LMO7: variants seen among roughly 807,000 people sequenced by gnomAD.
LMO7 encodes LIM domain only protein 7.
A neutral mutation model predicts 206.5 loss-of-function variants in LMO7; 120 were observed. That is an observed-to-expected ratio of 0.58 (90% CI 0.50 to 0.68). The LOEUF (loss-of-function observed/expected upper bound fraction) is 0.68. Ranked by LOEUF, LMO7 falls within the 30% of genes least tolerant of loss-of-function variation. The pLI is 0.00. For missense variants in LMO7, 1,959 were observed against 1,957.9 expected (o/e 1.00, Z -0.01); for synonymous variants, 706 against 681.5 (o/e 1.04, Z -0.56).
chr13:75,794,819 G>T (rs1225041785), intron 4 of LMO7, among the ~76,000 whole-genome samples: 1 of 152,076 alleles, frequency 6.6e-6, no homozygotes, highest in Non-Finnish European at 1.5e-5. Context: ...ATACAGTGAA[G>T]TTTCTTCAGG....
chr13:75,811,728 G>A (rs753087206), intron 11 of LMO7, among the ~76,000 whole-genome samples: 5 of 152,060 alleles, frequency 3.3e-5, no homozygotes, highest in Admixed American at 6.6e-5. Context: ...ATGTGCTTTC[G>A]TCTTGCATGG....
intron 1 of LMO7, among the ~76,000 whole-genome samples, chr13:75,676,823 A>C (rs1054509564): frequency 2.7e-4 from 41 of 152,184 alleles, no homozygotes; most frequent in African/African-American, 9.6e-4. Flanking sequence ...ATACGGTGGC[A>C]GTTCTTTGAT....
At chr13:75,741,374 T>C (rs1169171585) in intron 3 of LMO7, among the ~76,000 whole-genome samples, 2 of 152,252 alleles carry the variant, frequency 1.3e-5, no homozygotes, top group African/African-American at 4.8e-5. Context: ...TAAGAATTTA[T>C]AGCATAAAAC....
chr13:75,716,724 A>C (rs73225969), intron 2 of LMO7, among the ~76,000 whole-genome samples: 67 of 152,224 alleles, frequency 4.4e-4, no homozygotes, highest in Non-Finnish European at 6.9e-4. Context: ...AAAATATAAA[A>C]GATGTATCAC....
chr13:75,764,569 T>C (rs2139811164), intron 4 of LMO7, among the ~76,000 whole-genome samples: 1 of 152,274 alleles, frequency 6.6e-6, no homozygotes, highest in South Asian at 2.1e-4. Context: ...AGGTCCTGTA[T>C]TGGAGAACTT....
chr13:75,623,341 C>G, intron 2 of LMO7: 1 of 1,299,492 alleles, frequency 7.7e-7, no homozygotes, highest in East Asian at 2.3e-5. Context: ...TCTGTATTTT[C>G]TAAGGCAGAA....
chr13:75,800,855 G>A lies in LMO7; in HGVS notation c.634G>A (p.Asp212Asn), dbSNP rs772210415. 6.2e-7 allele frequency: 1 copy of A among 1,613,848 alleles called. No homozygotes were observed. Among genetic ancestry groups the A allele is most frequent in the South Asian group, 1.1e-5 (1 of 91,062 alleles). ...GAGGTCATTGACAAGCTGCTCCTCT[G>A]ATATCACGTTGAGAGGGGGGCGTGA... ...GSRSLTSCSS[D>N]ITLRGGREGF... The change falls in exon 7 of 31, where the codon GAT (aspartate) becomes AAT (asparagine). Residue 212 changes from aspartate to asparagine, a missense_variant. Physicochemically the swap from Asp to Asn is conservative, Grantham distance 23. Coordinates refer to ENST00000377534, the MANE Select transcript of LMO7 (RefSeq NM_001306080.2).
At chr13:75,710,070 T>G (rs969158915) in intron 1 of LMO7, among the ~76,000 whole-genome samples, 15 of 152,296 alleles carry the variant, frequency 9.8e-5, no homozygotes, top group African/African-American at 2.6e-4. Flanking sequence ...TTTCCTCATT[T>G]CTTGTTTTTG....
At chr13:75,650,525 TA>T (rs1202213642) in intron 1 of LMO7, among the ~76,000 whole-genome samples, 1 of 152,222 alleles carries the variant, frequency 6.6e-6, no homozygotes, top group Non-Finnish European at 1.5e-5. Flanking sequence ...AGTGGATTTC[TA>T]ATAAAATCTA....
chr13:75,628,798 A>G (rs748595302), intron 2 of LMO7, among the ~76,000 whole-genome samples: 5 of 152,266 alleles, frequency 3.3e-5, no homozygotes, highest in Non-Finnish European at 4.4e-5. Context: ...TCCACACACC[A>G]TTCAGCCCCA....
intron 1 of LMO7, among the ~76,000 whole-genome samples, chr13:75,651,127 A>G (rs2037512083): frequency 6.6e-6 from 1 of 152,112 alleles, no homozygotes; most frequent in Admixed American, 6.6e-5. Context: ...GATACTTTTG[A>G]AGTTTGGCCT....
chr13:75,779,236 G>GC (rs1430576619), intron 4 of LMO7, among the ~76,000 whole-genome samples: 1 of 152,106 alleles, frequency 6.6e-6, no homozygotes. Flanking sequence ...TAAATTCTGG[G>GC]CAGAGATAAT....
chr13:75,845,357 T>A lies in LMO7; in HGVS notation c.4128T>A (p.Asp1376Glu), dbSNP rs150803003. 264 of 1,584,392 alleles carry A rather than the reference T, an allele frequency of 1.7e-4. No individual in the cohort carries two copies. The highest frequency in any genetic ancestry group is 2.1e-4 in the Non-Finnish European group (244 of 1,156,514). ...AATCCAGATCTACTACTGAACTGGA[T>A]GATTACTCCACAAATAAAAATGGTA... Reference protein sequence around the residue: ...RNKSRSTTELDDYSTNKNGNN... With the variant: ...RNKSRSTTELEDYSTNKNGNN... Residue 1376 changes from aspartate to glutamate, a missense_variant, in exon 26 of 31, where the codon GAT becomes GAA. Coordinates refer to ENST00000377534, the MANE Select transcript of LMO7 (RefSeq NM_001306080.2).
intron 1 of LMO7, among the ~76,000 whole-genome samples, chr13:75,650,276 C>G (rs1772006560): frequency 6.6e-6 from 1 of 152,088 alleles, no homozygotes; most frequent in Non-Finnish European, 1.5e-5. Context: ...ACTACAGGTG[C>G]ACGCTACCAT....
intron 3 of LMO7, among the ~76,000 whole-genome samples, chr13:75,751,707 C>A (rs942236431): frequency 6.6e-6 from 1 of 152,034 alleles, no homozygotes; most frequent in East Asian, 1.9e-4. Context: ...CTTTTATTAA[C>A]CTTGTCTCTA....
chr13:75,729,734 T>C (rs539428380), intron 3 of LMO7, among the ~76,000 whole-genome samples: 88 of 151,998 alleles, frequency 5.8e-4, no homozygotes, highest in African/African-American at 1.9e-3. Flanking sequence ...TTCCAGTTTT[T>C]GCCCATTCAT....
chr13:75,836,289 C>G, intron 18 of LMO7, 108 bp from the exon 19 acceptor site: 1 of 647,560 alleles, frequency 1.5e-6, no homozygotes, highest in Non-Finnish European at 2.7e-6. Context: ...CATCAATATC[C>G]CGAGAAACTC....
intron 3 of LMO7, among the ~76,000 whole-genome samples, chr13:75,735,922 C>G (rs890587627): frequency 6.6e-6 from 1 of 151,818 alleles, no homozygotes; most frequent in African/African-American, 2.4e-5. Context: ...TAGCTTATTG[C>G]TTTAATTTAA....
chr13:75,628,686 C>G (rs1436828458), intron 2 of LMO7: 1 of 152,072 alleles, frequency 6.6e-6, no homozygotes, highest in Non-Finnish European at 1.5e-5. Flanking sequence ...CATAACCAAT[C>G]AAAGTACAAA....
Sources: allele counts gnomAD v4.1 joint callset (sites outside exome capture counted in the v4.1 genomes callset), GRCh38; gene constraint gnomAD v4.1.1; transcripts MANE v1.5; gene names NCBI Gene and HGNC (gene_info 2026-07-23, HGNC 2026-07-21).